MLLT10: variants seen among roughly 807,000 people sequenced by gnomAD.
MLLT10 encodes protein AF-10.
A neutral mutation model predicts 129.1 loss-of-function variants in MLLT10; 30 were observed. The ratio of observed to expected loss-of-function variants is 0.23; its 90% CI spans 0.17 to 0.32. The LOEUF (loss-of-function observed/expected upper bound fraction) is 0.32, where lower values mean the gene tolerates loss of function less well. Ranked by LOEUF, MLLT10 falls within the 10% of genes least tolerant of loss-of-function variation. The pLI, the probability that MLLT10 is intolerant of heterozygous loss-of-function variation, is 1.00. For missense variants in MLLT10, 1,119 were observed against 1,268.3 expected (o/e 0.88, Z 1.79); for synonymous variants, 490 against 446.4 (o/e 1.10, Z -1.23).
rs148723375 is a variant in MLLT10 at position 21,673,863 on chromosome 10, T to G, written c.1565T>G (p.Leu522Trp). The G allele has an allele frequency of 6.2e-6, 10 of 1,613,394 alleles. No homozygotes were observed. The African/African-American group carries it at 6.7e-5, about 11-fold the overall frequency. ...TCTAGTCTGCAGAAATCTCCTACATTGCTCAGGAATGGAAGTTTACAGAGC... is the reference window on the plus strand; with the variant it reads ...TCTAGTCTGCAGAAATCTCCTACATGGCTCAGGAATGGAAGTTTACAGAGC... ...TSSSLQKSPTLLRNGSLQSLS... is the reference protein window; with the variant it reads ...TSSSLQKSPTWLRNGSLQSLS... Residue 522 changes from leucine to tryptophan, a missense_variant, in exon 11 of 23, where the codon TTG (leucine) becomes TGG (tryptophan). By Grantham distance (61) the Leu-to-Trp change is moderately conservative. Coordinates refer to ENST00000307729, the MANE Select transcript of MLLT10 (RefSeq NM_001195626.3).
intron 13 of MLLT10, among the ~76,000 whole-genome samples, chr10:21,696,794 A>G (rs1303216008): frequency 6.6e-6 from 1 of 152,112 alleles, no homozygotes; most frequent in East Asian, 1.9e-4. Flanking sequence ...TATTTTGTCT[A>G]AAATATTACA....
At chr10:21,551,930 G>A in intron 3 of MLLT10, 1 of 293,542 alleles carries the variant, frequency 3.4e-6, no homozygotes, top group South Asian at 2.7e-5. Context: ...AAGTAGGTGG[G>A]ATTACAGGCA....
chr10:21,674,068 T>G (rs2051796248), intron 11 of MLLT10, 149 bp downstream of exon 11: 2 of 630,260 alleles, frequency 3.2e-6, no homozygotes, highest in Admixed American at 7.4e-5. Flanking sequence ...TTAAATTTTC[T>G]AATGGAAAAT....
chr10:21,625,216 T>C (rs556581997), intron 8 of MLLT10: 9 of 1,490,098 alleles, frequency 6.0e-6, no homozygotes, highest in African/African-American at 1.4e-5. Context: ...CTTGGCGCTC[T>C]TTCCTTTTCT....
At chr10:21,712,861 A>G (rs1413811111) in intron 13 of MLLT10, among the ~76,000 whole-genome samples, 1 of 152,216 alleles carries the variant, frequency 6.6e-6, no homozygotes, top group African/African-American at 2.4e-5. Flanking sequence ...CCATTTCTTT[A>G]TCCTGAAAGC....
intron 5 of MLLT10, among the ~76,000 whole-genome samples, chr10:21,607,731 T>A (rs1296512439): frequency 6.6e-6 from 1 of 152,232 alleles, no homozygotes; most frequent in East Asian, 1.9e-4. Context: ...TTAATTCAGC[T>A]ATTTAAATTA....
chr10:21,703,324 A>AT (rs1169516610), intron 13 of MLLT10, among the ~76,000 whole-genome samples: 2 of 151,028 alleles, frequency 1.3e-5, no homozygotes, highest in African/African-American at 4.9e-5. Context: ...TGAATATATC[A>AT]TCCCCTTCTA....
At chr10:21,692,001 C>CAA (rs929971187) in intron 13 of MLLT10, among the ~76,000 whole-genome samples, 1,499 of 48,784 alleles carry the variant, frequency 0.031, 42 homozygotes, top group African/African-American at 0.046. Context: ...CTCATATCTA[C>CAA]AAAAAAAAAA....
chr10:21,562,068 A>G (rs1477045996), intron 3 of MLLT10, among the ~76,000 whole-genome samples: 1 of 152,062 alleles, frequency 6.6e-6, no homozygotes, highest in Admixed American at 6.6e-5. Context: ...GGCCTTCCAA[A>G]GTGCTGGGAT....
At chr10:21,696,053 A>G (rs2054329437) in intron 13 of MLLT10, among the ~76,000 whole-genome samples, 1 of 150,096 alleles carries the variant, frequency 6.7e-6, no homozygotes, top group Admixed American at 6.7e-5. Context: ...CCTTCCATCC[A>G]TCCATTAGAG....
At position 21,673,672 on chromosome 10, in the gene MLLT10, A is replaced by G; in HGVS notation, c.1374A>G (p.Ile458Met). ...ATAAGCGGGCTCAAACTTCTGGCAT[A>G]GAAGAAGAAACTGTAAAGGAAAAGA... ...AGYKRAQTSG[I>M]EEETVKEKKR... Residue 458 changes from isoleucine (I) to methionine (M), a missense_variant, in exon 11 of 23, where the codon ATA (isoleucine) becomes ATG (methionine). Transcript: ENST00000307729. 2 of 1,614,160 alleles carry G rather than the reference A, an allele frequency of 1.2e-6. No homozygotes were observed. The highest frequency in any genetic ancestry group is 1.7e-6 in the Non-Finnish European group (2 of 1,180,012).
At chr10:21,635,049 A>G (rs2047333816) in intron 8 of MLLT10, among the ~76,000 whole-genome samples, 1 of 152,110 alleles carries the variant, frequency 6.6e-6, no homozygotes, top group Non-Finnish European at 1.5e-5. Context: ...TCTGTCCTAG[A>G]ATGGACCCTT....
intron 3 of MLLT10, among the ~76,000 whole-genome samples, chr10:21,584,043 G>C (rs1403490355): frequency 2.6e-5 from 4 of 151,618 alleles, no homozygotes; most frequent in Non-Finnish European, 5.9e-5. Context: ...CTAATTTTTT[G>C]TATTTTTAAT....
At chr10:21,625,541 G>C in intron 8 of MLLT10, 1 of 792,920 alleles carries the variant, frequency 1.3e-6, no homozygotes, top group Non-Finnish European at 2.3e-6. Flanking sequence ...GGCTTGTACT[G>C]CTGACTTGTG....
intron 8 of MLLT10, chr10:21,624,726 T>C: frequency 7.7e-7 from 1 of 1,305,226 alleles, no homozygotes; most frequent in East Asian, 2.3e-5. Context: ...TGTTGTTTGT[T>C]GGTCTGACGA....
chr10:21,712,631 A>G (rs922336165), intron 13 of MLLT10, among the ~76,000 whole-genome samples: 1 of 152,050 alleles, frequency 6.6e-6, no homozygotes, highest in Non-Finnish European at 1.5e-5. Flanking sequence ...GTTTATAGCA[A>G]GTTTTCTCGG....
rs56000691 is a variant in MLLT10 at position 21,676,720 on chromosome 10, C to CAAAAAAAAAAA, written c.1621+2827_1621+2837dup. Among the ~76,000 whole-genome samples, 32 of 32,012 alleles carry CAAAAAAAAAAA rather than the reference C, an allele frequency of 1.0e-3. 7 individuals carry two copies. The highest frequency in any genetic ancestry group is 4.9e-3 in the East Asian group (2 of 412). 21.0% of individuals were successfully genotyped at this position (32,012 alleles called of 152,430 possible). A position where few individuals can be genotyped will look rare whatever the true frequency, so the allele number is the denominator to read the frequency against. On this transcript the variant is annotated intron_variant, in intron 11 of 22. Coordinates refer to ENST00000307729, the MANE Select transcript of MLLT10 (RefSeq NM_001195626.3). Reference sequence around the variant, plus strand: ...TGGGAGACAGAGCGAGACTCCATCTCAAAAAAAAAAAAAAAAAAAAAAAAA... The same window carrying CAAAAAAAAAAA: ...TGGGAGACAGAGCGAGACTCCATCTCAAAAAAAAAAAAAAAAAAAAAAAAAAAAAAAAAAAA...
At chr10:21,549,356 C>T (rs1440648594) in intron 3 of MLLT10, among the ~76,000 whole-genome samples, 3 of 152,078 alleles carry the variant, frequency 2.0e-5, no homozygotes, top group African/African-American at 7.2e-5. Flanking sequence ...GTCATCCGCC[C>T]GCCTTGGCCT....
chr10:21,645,387 A>G (rs2048380512), intron 8 of MLLT10, among the ~76,000 whole-genome samples: 1 of 152,188 alleles, frequency 6.6e-6, no homozygotes, highest in African/African-American at 2.4e-5. Flanking sequence ...TTTAAGATCC[A>G]TGTTTACTTA....
Sources: allele counts gnomAD v4.1 joint callset (sites outside exome capture counted in the v4.1 genomes callset), GRCh38; gene constraint gnomAD v4.1.1; transcripts MANE v1.5; gene names NCBI Gene and HGNC (gene_info 2026-07-23, HGNC 2026-07-21).